PHF2: variants seen among roughly 807,000 people sequenced by gnomAD.
The protein encoded by PHF2 is PHD finger protein 2.
A neutral mutation model predicts 120.5 loss-of-function variants in PHF2; 27 were observed. The ratio of observed to expected loss-of-function variants is 0.22; its 90% CI spans 0.17 to 0.31. The LOEUF is 0.31. Among genes scored for constraint, PHF2 ranks in the 10% least tolerant of loss-of-function variants. The probability of loss-of-function intolerance (pLI) is 1.00; values close to 1 mark genes in which losing one functional copy is unlikely to be tolerated. For missense variants in PHF2, 1,024 were observed against 1,434.8 expected (o/e 0.71, Z 4.63); for synonymous variants, 568 against 592.5 (o/e 0.96, Z 0.60).
chr9:93,631,045 GCA>G (rs772642673), intron 2 of PHF2, among the ~76,000 whole-genome samples: 6 of 152,180 alleles, frequency 3.9e-5, no homozygotes, highest in Non-Finnish European at 7.3e-5. Context: ...GCAAGCTGAA[GCA>G]CCAGACCCCC....
chr9:93,617,969 C>T (rs1825754773), intron 1 of PHF2, among the ~76,000 whole-genome samples: 1 of 152,214 alleles, frequency 6.6e-6, no homozygotes, highest in Non-Finnish European at 1.5e-5. Flanking sequence ...GCAACATCCT[C>T]ACAGACACAT....
chr9:93,663,070 GGTGA>G (rs2118015064), intron 13 of PHF2, 44 bp downstream of exon 13: 3 of 1,612,044 alleles, frequency 1.9e-6, no homozygotes, highest in East Asian at 4.5e-5. Context: ...GTGTCAGCTT[GGTGA>G]GTGTGAGCAG....
chr9:93,647,766 G>A (rs963981722), intron 4 of PHF2, among the ~76,000 whole-genome samples: 1 of 152,114 alleles, frequency 6.6e-6, no homozygotes, highest in South Asian at 2.1e-4. Context: ...GGTGGCACCT[G>A]TAGTCCCAGC....
At chr9:93,668,691 T>C (rs980160515) in intron 17 of PHF2, among the ~76,000 whole-genome samples, 1 of 152,154 alleles carries the variant, frequency 6.6e-6, no homozygotes, top group African/African-American at 2.4e-5. Flanking sequence ...GCTGTGAATC[T>C]GAGCCCAGGA....
At chr9:93,606,503 A>G (rs369103125) in intron 1 of PHF2, among the ~76,000 whole-genome samples, 1 of 152,304 alleles carries the variant, frequency 6.6e-6, no homozygotes, top group Non-Finnish European at 1.5e-5. Flanking sequence ...TGCTATCCGT[A>G]TATCTTCTTT....
chr9:93,597,397 C>T (rs1825355360), intron 1 of PHF2, among the ~76,000 whole-genome samples: 1 of 152,170 alleles, frequency 6.6e-6, no homozygotes, highest in Admixed American at 6.5e-5. Context: ...ACCATGCAGA[C>T]CCTTGGGCCA....
At chr9:93,648,493 T>C (rs1047632332) in intron 4 of PHF2, among the ~76,000 whole-genome samples, 2 of 152,184 alleles carry the variant, frequency 1.3e-5, no homozygotes, top group African/African-American at 4.8e-5. Context: ...AGAGCAGCCA[T>C]GGAGAACTAT....
chr9:93,601,026 G>T (rs746684891), intron 1 of PHF2, among the ~76,000 whole-genome samples: 23 of 152,332 alleles, frequency 1.5e-4, no homozygotes, highest in Non-Finnish European at 3.2e-4. Flanking sequence ...TAACTGAATA[G>T]CCTTCCGTTG....
chr9:93,594,677 A>G (rs1825298720), intron 1 of PHF2, among the ~76,000 whole-genome samples: 1 of 152,234 alleles, frequency 6.6e-6, no homozygotes, highest in South Asian at 2.1e-4. Flanking sequence ...GTGGGAGAGC[A>G]CATTGGGACC....
At chr9:93,671,307 AGTAGGGTCAGG>A (rs1564403061) in intron 17 of PHF2, 7 of 633,660 alleles carry the variant, frequency 1.1e-5, no homozygotes, top group Admixed American at 7.8e-5. Flanking sequence ...TGGGTGTGGG[AGTAGGGTCAGG>A]TGTAGATGCA....
At chr9:93,638,593 T>C (rs1484808434) in intron 3 of PHF2, among the ~76,000 whole-genome samples, 1 of 152,260 alleles carries the variant, frequency 6.6e-6, no homozygotes, top group Non-Finnish European at 1.5e-5. Flanking sequence ...CATAGATGTG[T>C]TTGTTTCTGA....
intron 1 of PHF2, among the ~76,000 whole-genome samples, chr9:93,609,720 C>G (rs933359675): frequency 1.3e-5 from 2 of 151,422 alleles, no homozygotes; most frequent in Non-Finnish European, 2.9e-5. Context: ...TATTTTTTTT[C>G]GAGATGGAGT....
chr9:93,601,582 G>A (rs1397674786), intron 1 of PHF2, among the ~76,000 whole-genome samples: 1 of 152,002 alleles, frequency 6.6e-6, no homozygotes, highest in East Asian at 1.9e-4. Flanking sequence ...AGGATGGTTG[G>A]CACCCCCAGG....
intron 4 of PHF2, among the ~76,000 whole-genome samples, chr9:93,646,327 G>A (rs1344474528): frequency 6.6e-6 from 1 of 152,244 alleles, no homozygotes; most frequent in Non-Finnish European, 1.5e-5. Flanking sequence ...GGTAGAGGAA[G>A]CACCTGTGGG....
chr9:93,671,063 AGGTGGGGGTGCAG>A, intron 17 of PHF2: 1 of 858,584 alleles, frequency 1.2e-6, no homozygotes, highest in East Asian at 1.9e-4. Flanking sequence ...GTGTAGATGC[AGGTGGGGGTGCAG>A]GGTGGGGGTA....
At chr9:93,663,075 G>C in intron 13 of PHF2, 49 bp downstream of exon 13, 4 of 1,611,192 alleles carry the variant, frequency 2.5e-6, no homozygotes, top group Non-Finnish European at 3.4e-6. Context: ...AGCTTGGTGA[G>C]TGTGAGCAGA....
At chr9:93,676,466 G>GC in intron 20 of PHF2, 128 bp from the exon 21 acceptor site, 2 of 1,155,400 alleles carry the variant, frequency 1.7e-6, no homozygotes, top group Non-Finnish European at 2.4e-6. Flanking sequence ...CCAGAGTCAG[G>GC]CCTCAGGCCC....
At chr9:93,618,410 TGTAC>T (rs1265236129) in intron 1 of PHF2, among the ~76,000 whole-genome samples, 3 of 152,240 alleles carry the variant, frequency 2.0e-5, no homozygotes. Flanking sequence ...CACATGGCAA[TGTAC>T]GTCTGCCTGC....
Position 93,649,114 on chromosome 9 carries a change from G to C in PHF2, c.504G>C (p.Lys168Asn). The C allele has an allele frequency of 1.9e-6, 3 of 1,551,282 alleles. No homozygotes were observed. Among genetic ancestry groups the C allele is most frequent in the Non-Finnish European group, 2.6e-6 (3 of 1,146,952 alleles). Residue 168 changes from lysine (K) to asparagine (N), a missense_variant, in exon 5 of 22, where the codon AAG (lysine) becomes AAC (asparagine). By Grantham distance (94) the Lys-to-Asn change is moderately conservative. Around this residue, in one of 2 missense-constraint regions of PHF2, gnomAD observed 347 missense variants for 577.4 expected, o/e 0.60. Coordinates refer to ENST00000359246, the MANE Select transcript of PHF2 (RefSeq NM_005392.4). ...ATGTGACAGATGTCACCAAGCAGAA[G>C]GACTGCAAGATGAAGCTGAAGGAGT... The part of the protein sequence containing the change: ...SVDVTDVTKQ[K>N]DCKMKLKEFV...
Sources: allele counts gnomAD v4.1 joint callset (sites outside exome capture counted in the v4.1 genomes callset), GRCh38; gene constraint gnomAD v4.1.1; regional missense constraint gnomAD v4.1.1; transcripts MANE v1.5; gene names NCBI Gene and HGNC (gene_info 2026-07-23, HGNC 2026-07-21).